ZNF721: variants seen among roughly 807,000 people sequenced by gnomAD.
The protein encoded by ZNF721 is zinc finger protein 721.
Under a neutral mutation model 2.4 loss-of-function variants are expected in ZNF721, and 2 were observed. The ratio of observed to expected loss-of-function variants is 0.82; its 90% CI spans 0.34 to 2.58. The LOEUF (loss-of-function observed/expected upper bound fraction) is 2.58. Ranked by LOEUF, ZNF721 falls within the 30% of genes most tolerant of loss-of-function variation. ZNF721 has a pLI of 0.11. For missense variants in ZNF721, 1,187 were observed against 1,085.5 expected, an observed-to-expected ratio of 1.09 and a Z score of -1.31; for synonymous variants, 398 against 381.8, an observed-to-expected ratio of 1.04 and a Z score of -0.50.
chr4:448,507 A>C (rs547581761), intron 2 of ZNF721, among the ~76,000 whole-genome samples: 8 of 152,250 alleles, frequency 5.3e-5, no homozygotes, highest in Non-Finnish European at 1.2e-4. Context: ...TGAAATAATA[A>C]AGATATCTAG....
At chr4:473,407 T>C (rs1715500850) in intron 1 of ZNF721, among the ~76,000 whole-genome samples, 1 of 152,042 alleles carries the variant, frequency 6.6e-6, no homozygotes, top group Admixed American at 6.5e-5. Context: ...CCAATCATCA[T>C]CCTGATGCCA....
At chr4:496,765 T>G (rs1244227452) in intron 1 of ZNF721, among the ~76,000 whole-genome samples, 1 of 139,066 alleles carries the variant, frequency 7.2e-6, no homozygotes, top group African/African-American at 2.7e-5. Context: ...CAGGTTGGAG[T>G]GCAGTGGCGC....
At chr4:474,814 T>G (rs1553868391) in intron 1 of ZNF721, among the ~76,000 whole-genome samples, 1 of 151,806 alleles carries the variant, frequency 6.6e-6, no homozygotes, top group African/African-American at 2.4e-5. Context: ...GGGTGGAGGT[T>G]GCAGTGAGCT....
chr4:469,000 C>A (rs1382514229), intron 2 of ZNF721, among the ~76,000 whole-genome samples: 3 of 152,120 alleles, frequency 2.0e-5, no homozygotes, highest in Admixed American at 6.5e-5. Flanking sequence ...TATGATCATG[C>A]ATATATATGA....
intron 1 of ZNF721, among the ~76,000 whole-genome samples, chr4:485,645 A>G (rs1715875105): frequency 1.3e-5 from 2 of 152,184 alleles, no homozygotes; most frequent in South Asian, 4.1e-4. Flanking sequence ...GCATATTGTA[A>G]TCACCTGGAG....
chr4:491,269 T>A (rs1716013001), intron 1 of ZNF721, among the ~76,000 whole-genome samples: 1 of 151,708 alleles, frequency 6.6e-6, no homozygotes, highest in Non-Finnish European at 1.5e-5. Context: ...CTACAAAAAA[T>A]TAGACGAGTG....
intron 1 of ZNF721, among the ~76,000 whole-genome samples, chr4:476,496 C>G (rs1309198846): frequency 6.6e-6 from 1 of 152,204 alleles, no homozygotes; most frequent in East Asian, 1.9e-4. Flanking sequence ...CTTACCTCAC[C>G]CCTTAAGTTT....
chr4:487,346 A>C (rs1410908710), intron 1 of ZNF721, among the ~76,000 whole-genome samples: 1 of 152,184 alleles, frequency 6.6e-6, no homozygotes, highest in Non-Finnish European at 1.5e-5. Flanking sequence ...TCTGGAGAAT[A>C]AAGTAGCATG....
At chr4:490,156 C>A (rs1402541532) in intron 1 of ZNF721, among the ~76,000 whole-genome samples, 1 of 151,330 alleles carries the variant, frequency 6.6e-6, no homozygotes, top group African/African-American at 2.4e-5. Context: ...CCGTGCCCGG[C>A]CAACATTTTG....
rs987731292 is a variant in ZNF721 at position 440,167 on chromosome 4, T to G, written c.*1528A>C. 7 of 149,576 alleles carry G rather than the reference T, an allele frequency of 4.7e-5. No homozygotes were observed. Among genetic ancestry groups the G allele is most frequent in the Non-Finnish European group, 1.5e-5 (1 of 66,280 alleles). The allele number at this position is 149,576 out of a possible 1,614,324, so 9.3% of individuals were successfully genotyped here. On this transcript the variant is annotated 3_prime_UTR_variant, in exon 3 of 3. Coordinates refer to ENST00000511833, the MANE Select transcript of ZNF721 (RefSeq NM_133474.4). ...GCAAAGTATTACTCTGAACACCTAC[T>G]TCAGGCATCACTCAGTAAGTCAACC...
intron 2 of ZNF721, among the ~76,000 whole-genome samples, chr4:462,680 TG>T (rs1715105637): frequency 6.6e-6 from 1 of 152,156 alleles, no homozygotes; most frequent in African/African-American, 2.4e-5. Flanking sequence ...TAAATGGTGT[TG>T]GGAAAACTGG....
At chr4:485,768 G>A (rs1225548974) in intron 1 of ZNF721, among the ~76,000 whole-genome samples, 3 of 152,148 alleles carry the variant, frequency 2.0e-5, no homozygotes, top group Non-Finnish European at 4.4e-5. Flanking sequence ...GAGGTCAAGA[G>A]ATCGAGACCA....
At chr4:497,215 C>CA (rs1385380763) in intron 1 of ZNF721, among the ~76,000 whole-genome samples, 3 of 151,590 alleles carry the variant, frequency 2.0e-5, no homozygotes, top group Non-Finnish European at 2.9e-5. Flanking sequence ...TGGGAACTCC[C>CA]AAAAAAGGAG....
At chr4:459,480 A>G (rs1576960095) in intron 2 of ZNF721, among the ~76,000 whole-genome samples, 1 of 152,182 alleles carries the variant, frequency 6.6e-6, no homozygotes, top group South Asian at 2.1e-4. Flanking sequence ...GCAAAAAAAA[A>G]AGCAGCAGTT....
At chr4:496,569 C>A (rs1440259518) in intron 1 of ZNF721, among the ~76,000 whole-genome samples, 1 of 152,026 alleles carries the variant, frequency 6.6e-6, no homozygotes, top group African/African-American at 2.4e-5. Flanking sequence ...ATTCTACACT[C>A]ATGAGCTAGA....
At position 443,412 on chromosome 4, in the gene ZNF721, C is replaced by T. The variant is rs372342127; in HGVS notation, c.1055G>A (p.Arg352Lys). The T allele has an allele frequency of 1.1e-5, 17 of 1,610,938 alleles. No individual in the cohort carries two copies. The highest frequency in any genetic ancestry group is 1.4e-5 in the Non-Finnish European group (17 of 1,178,594). Residue 352 changes from arginine to lysine, a missense_variant, in exon 3 of 3, where the codon AGG becomes AAG. By Grantham distance (26) the Arg-to-Lys change is conservative (BLOSUM62 2). Transcript: ENST00000511833. ...FRQSANLYVH[R>K]RIHTGEKPYK... ...AGGTTTCTCTCCAGTATGAATTCTC[C>T]TATGTACGTAAAGGTTTGCGGACTG...
intron 1 of ZNF721, among the ~76,000 whole-genome samples, chr4:488,083 A>C (rs1362712874): frequency 2.6e-5 from 4 of 152,206 alleles, no homozygotes; most frequent in Admixed American, 6.5e-5. Flanking sequence ...CCTCAAAAGG[A>C]GTACTTAAAA....
intron 2 of ZNF721, among the ~76,000 whole-genome samples, chr4:466,375 C>A (rs1443257871): frequency 2.0e-5 from 3 of 152,132 alleles, no homozygotes; most frequent in African/African-American, 7.2e-5. Context: ...AAATCAAACT[C>A]CCCAGGCTCT....
intron 1 of ZNF721, among the ~76,000 whole-genome samples, chr4:475,967 T>C (rs1222548831): frequency 2.0e-5 from 3 of 152,030 alleles, no homozygotes; most frequent in African/African-American, 4.8e-5. Context: ...CTGAGCACAA[T>C]GCAACACAAA....
Sources: gnomAD v4.1 joint callset for allele counts (sites outside exome capture counted in the v4.1 genomes callset) on GRCh38, gnomAD v4.1.1 for gene constraint, MANE v1.5 for transcripts, NCBI Gene and HGNC (gene_info 2026-07-23, HGNC 2026-07-21) for gene names.